The following AKAP13 variants were observed in gnomAD, a reference collection of about 807,000 sequenced individuals.
The protein encoded by AKAP13 is A-kinase anchoring protein 13, also known as A-kinase anchor protein 13.
AKAP13 carries 80 observed loss-of-function variants against 264.5 expected under a neutral mutation model. The ratio of observed to expected loss-of-function variants is 0.30; its 90% CI spans 0.25 to 0.36. The LOEUF is 0.36. Ranked by LOEUF, AKAP13 falls within the 10% of genes least tolerant of loss-of-function variation. The pLI is 1.00. For missense variants in AKAP13, 3,712 were observed against 3,435.2 expected (o/e 1.08, Z -2.01); for synonymous variants, 1,380 against 1,250.2 (o/e 1.10, Z -2.19).
At chr15:85,462,657 C>T (rs2074560300) in intron 1 of AKAP13, among the ~76,000 whole-genome samples, 2 of 152,148 alleles carry the variant, frequency 1.3e-5, no homozygotes, top group South Asian at 2.1e-4. Context: ...CTCATTTACA[C>T]ACAGGAAAAT....
At chr15:85,520,266 C>CG (rs1159990108) in intron 2 of AKAP13, among the ~76,000 whole-genome samples, 1 of 151,792 alleles carries the variant, frequency 6.6e-6, no homozygotes, top group Non-Finnish European at 1.5e-5. Context: ...GAGGCTGAGA[C>CG]GGGTGGATCA....
chr15:85,604,129 G>A (rs2080212332), intron 8 of AKAP13, among the ~76,000 whole-genome samples: 1 of 152,148 alleles, frequency 6.6e-6, no homozygotes, highest in African/African-American at 2.4e-5. Flanking sequence ...TCTACATAAG[G>A]GGATACAGTA....
intron 1 of AKAP13, among the ~76,000 whole-genome samples, chr15:85,428,934 T>C (rs1302125382): frequency 2.0e-5 from 3 of 152,184 alleles, no homozygotes; most frequent in Non-Finnish European, 2.9e-5. Flanking sequence ...TGCCAGACAA[T>C]GAACAAGTGC....
At chr15:85,717,205 TAG>T in intron 20 of AKAP13, 83 bp from the exon 21 acceptor site, 1 of 822,552 alleles carries the variant, frequency 1.2e-6, no homozygotes, top group Non-Finnish European at 1.9e-6. Flanking sequence ...GTTGTCATTC[TAG>T]AGTCTTCAGG....
intron 8 of AKAP13, among the ~76,000 whole-genome samples, chr15:85,632,792 A>G (rs1191620161): frequency 6.6e-6 from 1 of 152,240 alleles, no homozygotes; most frequent in African/African-American, 2.4e-5. Context: ...ATTCAAGGCA[A>G]ATAATGTTCA....
chr15:85,678,067 A>G (rs1287014457), intron 14 of AKAP13, among the ~76,000 whole-genome samples: 1 of 152,230 alleles, frequency 6.6e-6, no homozygotes, highest in African/African-American at 2.4e-5. Context: ...CCTTGTATAA[A>G]AACTTTACAA....
intron 12 of AKAP13, 25 bp downstream of exon 12, chr15:85,658,615 A>C: frequency 6.3e-7 from 1 of 1,599,904 alleles, no homozygotes; most frequent in Non-Finnish European, 8.6e-7. Flanking sequence ...AACTTGATGG[A>C]CTAACCATGT....
chr15:85,525,039 C>A (rs1261431081), intron 3 of AKAP13, among the ~76,000 whole-genome samples: 1 of 148,862 alleles, frequency 6.7e-6, no homozygotes, highest in Non-Finnish European at 1.5e-5. Context: ...CTTTGACTTT[C>A]TATTTTATCT....
intron 2 of AKAP13, among the ~76,000 whole-genome samples, chr15:85,490,036 G>A (rs775734166): frequency 7.2e-5 from 11 of 152,098 alleles, no homozygotes; most frequent in Non-Finnish European, 1.2e-4. Context: ...TCTCACAGTC[G>A]CCACAAAAGT....
At chr15:85,707,918 T>C in intron 17 of AKAP13, 101 bp from the exon 18 acceptor site, 2 of 1,142,478 alleles carry the variant, frequency 1.8e-6, no homozygotes, top group South Asian at 2.5e-5. Context: ...TGTGAGTGAC[T>C]TCACTTTGAA....
intron 1 of AKAP13, among the ~76,000 whole-genome samples, chr15:85,391,554 G>A (rs182322516): frequency 1.3e-5 from 2 of 150,324 alleles, no homozygotes; most frequent in East Asian, 1.9e-4. Flanking sequence ...GCGCGATCTC[G>A]GCTCACTGCA....
At position 85,718,935 on chromosome 15, in the gene AKAP13, T is replaced by G; in HGVS notation, c.6002-141T>G. On this transcript the variant is annotated intron_variant, in intron 22 of 36. Coordinates refer to ENST00000394518, the MANE Select transcript of AKAP13 (RefSeq NM_007200.5). This position sits in a 1 kb window ranked among gnomAD's most constrained non-coding sequence, Gnocchi z 4.9. ...AAAAAAACAAAAAAACGAGAACACT[T>G]TTAGGGGAAAGATAGCTGTTGACCC... 5.0e-6 allele frequency: 6 copies of G among 1,192,014 alleles called. No individual in the cohort carries two copies. The highest frequency in any genetic ancestry group is 7.0e-6 in the Non-Finnish European group (6 of 859,628). The allele number at this position is 1,192,014 out of a possible 1,614,324, so 73.8% of individuals were successfully genotyped here.
chr15:85,464,224 C>CTG (rs2074638899), intron 1 of AKAP13, among the ~76,000 whole-genome samples: 1 of 152,168 alleles, frequency 6.6e-6, no homozygotes, highest in Admixed American at 6.5e-5. Context: ...CCTGTTGTGC[C>CTG]TGTGCCCATC....
chr15:85,521,640 A>G, intron 3 of AKAP13, 65 bp downstream of exon 3: 2 of 1,129,558 alleles, frequency 1.8e-6, no homozygotes, highest in Non-Finnish European at 2.6e-6. Flanking sequence ...TTCGATGTTT[A>G]TGAGTATAGA....
At chr15:85,630,622 T>C (rs543586780) in intron 8 of AKAP13, among the ~76,000 whole-genome samples, 22 of 152,290 alleles carry the variant, frequency 1.4e-4, no homozygotes, top group African/African-American at 5.1e-4. Flanking sequence ...TTTTAAAAAA[T>C]AGAAGGATAG....
chr15:85,436,342 A>C (rs1269341512), intron 1 of AKAP13, among the ~76,000 whole-genome samples: 1 of 109,024 alleles, frequency 9.2e-6, no homozygotes, highest in African/African-American at 3.7e-5. Flanking sequence ...CTACAAAGAG[A>C]CTTAGACTCC....
chr15:85,694,368 C>T (rs530433514), intron 17 of AKAP13, among the ~76,000 whole-genome samples: 2 of 152,288 alleles, frequency 1.3e-5, no homozygotes, highest in African/African-American at 4.8e-5. Flanking sequence ...GCATCGTGAC[C>T]CACATGGTCT....
intron 6 of AKAP13, 76 bp from the exon 7 acceptor site, chr15:85,578,854 G>C: frequency 7.0e-7 from 1 of 1,420,922 alleles, no homozygotes. Context: ...CTGTCCAACA[G>C]AATTTTTGCT....
Position 85,717,291 on chromosome 15 carries a change from G to T in AKAP13, c.5737G>T (p.Val1913Phe), listed in dbSNP as rs774093965. 6.2e-7 allele frequency: 1 copy of T among 1,602,116 alleles called. No homozygotes were observed. The highest frequency in any genetic ancestry group is 1.3e-5 in the African/African-American group (1 of 74,176). The change falls in exon 21 of 37, where the codon GTT (valine) becomes TTT (phenylalanine). Residue 1913 changes from valine to phenylalanine, a missense_variant and splice_region_variant. Val to Phe is a conservative substitution (Grantham distance 50, BLOSUM62 -1). Coordinates refer to ENST00000394518, the MANE Select transcript of AKAP13 (RefSeq NM_007200.5). Reference sequence around the variant, plus strand: ...TATGTATTTTTCTTTTGTCCCCAGAGTTGGCAATGATGAGAACATGTCAAA... The same window carrying T: ...TATGTATTTTTCTTTTGTCCCCAGATTTGGCAATGATGAGAACATGTCAAA... ...KSVSIQNITGVGNDENMSNTW... is the reference protein window; with the variant it reads ...KSVSIQNITGFGNDENMSNTW...
Sources: gnomAD v4.1 joint callset for allele counts (sites outside exome capture counted in the v4.1 genomes callset) on GRCh38, gnomAD v4.1.1 for gene constraint, Gnocchi (gnomAD v3.1) non-coding constraint, MANE v1.5 for transcripts, NCBI Gene and HGNC (gene_info 2026-07-23, HGNC 2026-07-21) for gene names.